DNAJB1: variants seen among roughly 807,000 people sequenced by gnomAD.
DNAJB1 encodes the protein dnaJ homolog subfamily B member 1.
In DNAJB1, 14 loss-of-function variants were observed where a neutral mutation model predicts 24.0. The ratio of observed to expected loss-of-function variants is 0.58; its 90% CI spans 0.39 to 0.91. DNAJB1 has a LOEUF of 0.91. DNAJB1 is among the 40% of genes least tolerant of loss of function. The pLI is 0.00. For synonymous variants in DNAJB1, 262 were observed against 174.4 expected (o/e 1.50, Z -3.96); for missense variants, 517 against 458.1 (o/e 1.13, Z -1.17).
At chr19:14,549,373 C>T (rs1024337916) in intron 1 of DNAJB1, among the ~76,000 whole-genome samples, 4 of 151,962 alleles carry the variant, frequency 2.6e-5, no homozygotes, top group Non-Finnish European at 4.4e-5. Context: ...CCACCATGCC[C>T]AGCTAACTTT....
upstream of DNAJB1, chr19:14,529,837 G>A (rs1378162512): frequency 6.6e-6 from 9 of 1,363,290 alleles, no homozygotes; most frequent in South Asian, 1.2e-5. Flanking sequence ...CGCAGGCGCA[G>A]TGGGCAAGCG....
At chr19:14,545,630 C>T (rs1479764907) in intron 1 of DNAJB1, 1 of 191,482 alleles carries the variant, frequency 5.2e-6, no homozygotes, top group Non-Finnish European at 1.1e-5. Flanking sequence ...GCAGCTGGCA[C>T]AGGCAGGCCC....
At chr19:14,543,406 TATATATATATA>T (rs2073176072) in intron 1 of DNAJB1, among the ~76,000 whole-genome samples, 1 of 12,180 alleles carries the variant, frequency 8.2e-5, no homozygotes, top group Non-Finnish European at 2.0e-4. Context: ...TATATATATA[TATATATATATA>T]TATTTTTTTT....
chr19:14,519,748 T>G (rs1365733275), upstream of DNAJB1, among the ~76,000 whole-genome samples: 1 of 152,098 alleles, frequency 6.6e-6, no homozygotes, highest in Non-Finnish European at 1.5e-5. Flanking sequence ...TTCTTTTTCT[T>G]CCCCAACTAC....
intron 1 of DNAJB1, among the ~76,000 whole-genome samples, chr19:14,544,738 T>C (rs2073243908): frequency 6.6e-6 from 1 of 151,618 alleles, no homozygotes; most frequent in Non-Finnish European, 1.5e-5. Context: ...GTTCAAGGGA[T>C]TCTTGTGCCC....
At chr19:14,549,974 C>T (rs1173412616) in intron 1 of DNAJB1, among the ~76,000 whole-genome samples, 6 of 151,806 alleles carry the variant, frequency 4.0e-5, no homozygotes, top group African/African-American at 1.2e-4. Flanking sequence ...AAACTATACA[C>T]CTGCCCCCTT....
At position 14,517,445 on chromosome 19, in the gene DNAJB1, A is replaced by T. The variant is rs1022095114; in HGVS notation, c.212-399T>A. The stretch of plus-strand genomic sequence containing the variant: ...TGCGTAGGAAGAGAAGAAAAAAAAA[A>T]ACAAAAATAAATAGGGAGTTTTTAA... On this transcript the variant is annotated intron_variant, in intron 1 of 2. Transcript: ENST00000254322. 2.9e-4 allele frequency: 51 copies of T among 173,824 alleles called. 2 individuals are homozygous for T. Among genetic ancestry groups the T allele is most frequent in the South Asian group, 8.9e-4 (5 of 5,646 alleles). The allele number at this position is 173,824 out of a possible 1,614,324, so 10.8% of individuals were successfully genotyped here.
upstream of DNAJB1, among the ~76,000 whole-genome samples, chr19:14,551,690 C>T (rs2073511991): frequency 6.6e-6 from 1 of 152,026 alleles, no homozygotes; most frequent in Non-Finnish European, 1.5e-5. Flanking sequence ...AGACCTTTTG[C>T]TCTGGTACAG....
chr19:14,541,205 T>G (rs559417844), intron 1 of DNAJB1, among the ~76,000 whole-genome samples: 4 of 152,200 alleles, frequency 2.6e-5, no homozygotes, highest in African/African-American at 4.8e-5. Flanking sequence ...CTTGAACTCC[T>G]TGGTTCAAGT....
chr19:14,542,347 GTTTTTT>G (rs71166754), intron 1 of DNAJB1, among the ~76,000 whole-genome samples: 805 of 43,248 alleles, frequency 0.019, 3 homozygotes, highest in African/African-American at 0.038. Context: ...ATGCCATAGT[GTTTTTT>G]TTTTTTTTTT....
chr19:14,523,611 C>CTTTTTT, intron 2 of DNAJB1, among the ~76,000 whole-genome samples: 1 of 147,326 alleles, frequency 6.8e-6, no homozygotes, highest in South Asian at 2.2e-4. Flanking sequence ...TACACCCGGC[C>CTTTTTT]TTGTTTTTGT....
chr19:14,528,271 G>T (rs1409874923), intron 1 of DNAJB1, among the ~76,000 whole-genome samples: 1 of 134,464 alleles, frequency 7.4e-6, no homozygotes, highest in African/African-American at 2.8e-5. Context: ...TTTTTGAGAC[G>T]GTCTGTTGCT....
intron 1 of DNAJB1, among the ~76,000 whole-genome samples, chr19:14,558,268 T>C (rs1048198277): frequency 4.6e-5 from 7 of 152,118 alleles, no homozygotes; most frequent in African/African-American, 1.7e-4. Context: ...CTGTGACAAG[T>C]GCTTAGACAA....
upstream of DNAJB1, among the ~76,000 whole-genome samples, chr19:14,533,312 T>TG (rs1488430929): frequency 2.0e-5 from 3 of 151,348 alleles, no homozygotes; most frequent in Admixed American, 1.3e-4. Flanking sequence ...CCCAGGTACT[T>TG]GGGAGGCTGA....
chr19:14,553,485 C>T (rs575788354), upstream of DNAJB1, among the ~76,000 whole-genome samples: 8 of 152,218 alleles, frequency 5.3e-5, no homozygotes, highest in African/African-American at 1.4e-4. Context: ...CACTGAGAAA[C>T]GAGGTCATAC....
intron 1 of DNAJB1, chr19:14,545,176 C>G (rs779703536): frequency 2.2e-6 from 1 of 456,758 alleles, no homozygotes. Context: ...CCTCATTGCT[C>G]AAGGGTAAAA....
At chr19:14,536,084 C>A (rs574863105) in intron 1 of DNAJB1, among the ~76,000 whole-genome samples, 15 of 152,160 alleles carry the variant, frequency 9.9e-5, no homozygotes, top group South Asian at 6.2e-4. Flanking sequence ...ACCTGAGACC[C>A]AGAGAACAAG....
Position 14,515,814 on chromosome 19 carries a change from ACATT to A in DNAJB1, c.*122_*125del, listed in dbSNP as rs1467461664. On this transcript the variant is annotated 3_prime_UTR_variant, in exon 3 of 3. Transcript: ENST00000254322. Reference sequence around the variant, plus strand: ...AAGATTGTAATATATGCTCTGGAAAACATTCAGCAGTACGAAAGCCCTCCCTGGG... The same window carrying A: ...AAGATTGTAATATATGCTCTGGAAAACAGCAGTACGAAAGCCCTCCCTGGG... 1.2e-6 allele frequency: 1 copy of A among 854,700 alleles called. No homozygotes were observed. Among genetic ancestry groups the A allele is most frequent in the African/African-American group, 1.7e-5 (1 of 57,798 alleles). 52.9% of individuals were successfully genotyped at this position (854,700 alleles called of 1,614,324 possible).
upstream of DNAJB1, among the ~76,000 whole-genome samples, chr19:14,552,756 T>TC (rs2073577593): frequency 6.6e-6 from 1 of 151,782 alleles, no homozygotes. Context: ...CAGGATGGTC[T>TC]TGATCTCCTG....
Sources: gnomAD v4.1 joint callset for allele counts (sites outside exome capture counted in the v4.1 genomes callset) on GRCh38, gnomAD v4.1.1 for gene constraint, MANE v1.5 for transcripts, NCBI Gene and HGNC (gene_info 2026-07-23, HGNC 2026-07-21) for gene names.